The following PAPOLB variants were observed in gnomAD, a reference collection of about 807,000 sequenced individuals.
PAPOLB encodes the protein PAP-beta.
In PAPOLB, 19 loss-of-function variants were observed where a neutral mutation model predicts 23.2. That is an observed-to-expected ratio of 0.82 (90% confidence interval 0.57 to 1.20). The LOEUF (loss-of-function observed/expected upper bound fraction) is 1.20. PAPOLB is among the 50% of genes most tolerant of loss of function. The probability of loss-of-function intolerance (pLI) is 0.00; values close to 1 mark genes in which losing one functional copy is unlikely to be tolerated. For missense variants in PAPOLB, 822 were observed against 776.8 expected, an observed-to-expected ratio of 1.06 and a Z score of -0.69; for synonymous variants, 360 against 290.7, an observed-to-expected ratio of 1.24 and a Z score of -2.43.
rs575805724 is a variant in PAPOLB, at chr7:4,859,466, T to C, written c.*431A>G. On this transcript the variant is annotated 3_prime_UTR_variant, in exon 1 of 1. Transcript: ENST00000404991. ...AAATAGTTAATGTAACTGTTGCTGA[T>C]ACATTAATAACAGTACCTCTAGCTG... is the stretch of plus-strand genomic sequence containing the variant. 2 of 161,712 alleles carry C rather than the reference T, an allele frequency of 1.2e-5. No homozygotes were observed. The highest frequency in any genetic ancestry group is 3.7e-4 in the South Asian group (2 of 5,440). The allele number at this position is 161,712 out of a possible 1,614,324, so 10.0% of individuals were successfully genotyped here.
In PAPOLB at chr7:4,861,735, G is replaced by C. The variant is rs755185810; in HGVS notation, c.76C>G (p.Pro26Ala). 2 of 1,517,890 alleles carry C rather than the reference G, an allele frequency of 1.3e-6. No homozygotes were observed. Among genetic ancestry groups the C allele is most frequent in the Non-Finnish European group, 1.8e-6 (2 of 1,135,414 alleles). The allele number at this position is 1,517,890 out of a possible 1,614,324, so 94.0% of individuals were successfully genotyped here. A position where few individuals can be genotyped will look rare whatever the true frequency, so the allele number is the denominator to read the frequency against. Residue 26 changes from proline (P) to alanine (A), a missense_variant, in exon 1 of 1, where the codon CCT (proline) becomes GCT (alanine). By Grantham distance (27) the Pro-to-Ala change is conservative. This residue lies in a region of PAPOLB where 276 missense variants were observed against 243.9 expected (regional missense o/e 1.13). Coordinates refer to ENST00000404991, the MANE Select transcript of PAPOLB (RefSeq NM_020144.5). The part of the protein sequence containing the change: ...PPPNRYGVSS[P>A]ISLAVPKETD... ...TCCTTGGGGACCGCTAGACTGATAGGCGAGGAGACGCCGTAGCGATTCGGC... is the reference window on the plus strand; with the variant it reads ...TCCTTGGGGACCGCTAGACTGATAGCCGAGGAGACGCCGTAGCGATTCGGC...
rs149530992 is a variant in PAPOLB, at chr7:4,858,677, T to C, written c.*1220A>G. 1 of 152,750 alleles carries C rather than the reference T, an allele frequency of 6.5e-6. No homozygotes were observed. The highest frequency in any genetic ancestry group is 2.4e-5 in the African/African-American group (1 of 41,582). 9.5% of individuals were successfully genotyped at this position (152,750 alleles called of 1,614,324 possible). ...GAACAAAACTTCTCATATGCAGTGA[T>C]CAAATGGTCATCCAAGATCAGAAAC... On this transcript the variant is annotated 3_prime_UTR_variant, in exon 1 of 1. Transcript: ENST00000404991.
At position 4,861,088 on chromosome 7, in the gene PAPOLB, T is replaced by A. The variant is rs757448381; in HGVS notation, c.723A>T (p.Ile241=). 9.9e-6 allele frequency: 16 copies of A among 1,614,228 alleles called. No homozygotes were observed. The South Asian group carries it at 1.8e-4, about 18-fold the overall frequency. ...AGGAAACACCTCCGAGGAAACCTAATATATTGGAATAGATATTGTGGCACT... is the reference window on the plus strand; with the variant it reads ...AGGAAACACCTCCGAGGAAACCTAAAATATTGGAATAGATATTGTGGCACT... ...WAKCHNIYSN[I]LGFLGGVSWA... is the part of the protein sequence containing the mutation. Residue 241 remains isoleucine, a synonymous_variant, in exon 1 of 1, where the codon ATA becomes ATT. Coordinates refer to ENST00000404991, the MANE Select transcript of PAPOLB (RefSeq NM_020144.5).
At position 4,861,342 on chromosome 7, in the gene PAPOLB, C is replaced by A; in HGVS notation, c.469G>T (p.Val157Phe). Reference protein sequence around the residue: ...LRAVEEAFVPVIKLCFDGIEI... With the variant: ...LRAVEEAFVPFIKLCFDGIEI... Reference sequence around the variant, plus strand: ...ATCCCATCAAAACACAGTTTGATAACTGGCACAAATGCCTCCTCGACAGCC... The same window carrying A: ...ATCCCATCAAAACACAGTTTGATAAATGGCACAAATGCCTCCTCGACAGCC... The change falls in exon 1 of 1, where the codon GTT becomes TTT. Residue 157 changes from valine to phenylalanine, a missense_variant. Transcript: ENST00000404991. The A allele has an allele frequency of 3.1e-6, 5 of 1,613,950 alleles. No individual in the cohort carries two copies. The highest frequency in any genetic ancestry group is 4.2e-6 in the Non-Finnish European group (5 of 1,179,810).
Position 4,861,012 on chromosome 7 carries a change from A to C in PAPOLB, c.799T>G (p.Ser267Ala). 1 of 1,614,214 alleles carries C rather than the reference A, an allele frequency of 6.2e-7. No homozygotes were observed. Among genetic ancestry groups the C allele is most frequent in the South Asian group, 1.1e-5 (1 of 91,088 alleles). ...TCQLYPNAVASTLVRKFFLVF... is the reference protein window; with the variant it reads ...TCQLYPNAVAATLVRKFFLVF... ...AAGAAGAATTTCCGTACAAGAGTTG[A>C]CGCTACTGCATTTGGATAAAGCTGA... The change falls in exon 1 of 1, where the codon TCA (serine) becomes GCA (alanine). Residue 267 changes from serine (S) to alanine (A), a missense_variant. Transcript: ENST00000404991.
In PAPOLB at chr7:4,860,993, A is replaced by T. The variant is rs1783976118; in HGVS notation, c.818T>A (p.Phe273Tyr). ...NAVASTLVRK[F>Y]FLVFSEWEWP... Reference sequence around the variant, plus strand: ...TTCCCATTCTGAAAATACCAAGAAGAATTTCCGTACAAGAGTTGACGCTAC... The same window carrying T: ...TTCCCATTCTGAAAATACCAAGAAGTATTTCCGTACAAGAGTTGACGCTAC... The change falls in exon 1 of 1, where the codon TTC (phenylalanine) becomes TAC (tyrosine). Residue 273 changes from phenylalanine to tyrosine, a missense_variant. Physicochemically the swap from Phe to Tyr is conservative, Grantham distance 22. Transcript: ENST00000404991. 1.9e-6 allele frequency: 3 copies of T among 1,614,220 alleles called. No homozygotes were observed. The highest frequency in any genetic ancestry group is 2.2e-5 in the East Asian group (1 of 44,890).
rs1176296132 is a variant in PAPOLB, at chr7:4,859,169, C to G, written c.*728G>C. The G allele has an allele frequency of 6.6e-6, 1 of 152,398 alleles. No individual in the cohort carries two copies. The highest frequency in any genetic ancestry group is 1.5e-5 in the Non-Finnish European group (1 of 68,028). 9.4% of individuals were successfully genotyped at this position (152,398 alleles called of 1,614,324 possible). A position where few individuals can be genotyped will look rare whatever the true frequency, so the allele number is the denominator to read the frequency against. ...GTACTTTTATGCTTTCTCTGAAGTA[C>G]AGTACACCGCTGCACAATGGTATCC... On this transcript the variant is annotated 3_prime_UTR_variant, in exon 1 of 1. Coordinates refer to ENST00000404991, the MANE Select transcript of PAPOLB (RefSeq NM_020144.5).
At position 4,861,252 on chromosome 7, in the gene PAPOLB, CTCT is replaced by C. The variant is rs779592795; in HGVS notation, c.556_558del (p.Arg186del). On this transcript the variant is annotated inframe_deletion, in exon 1 of 1. Transcript: ENST00000404991. ...TCTAAATTTTTAAGTAGACTGTCAT[CTCT>C]TAAGTCCAAATCTTCTGGAATAGTC... 1.2e-6 allele frequency: 2 copies of C among 1,614,122 alleles called. No individual in the cohort carries two copies. The highest frequency in any genetic ancestry group is 1.7e-6 in the Non-Finnish European group (2 of 1,179,958).
In PAPOLB at chr7:4,860,870, A is replaced by T. The variant is rs1235265608; in HGVS notation, c.941T>A (p.Met314Lys). The part of the protein sequence containing the change: ...RVNPSDRYHL[M>K]PIITPAYPQQ... The stretch of plus-strand genomic sequence containing the variant: ...TGGGTATGCTGGTGTGATGATAGGC[A>T]TAAGATGGTACCTATCACTGGGATT... The change falls in exon 1 of 1, where the codon ATG becomes AAG. Residue 314 changes from methionine (M) to lysine (K), a missense_variant. Around this residue, in one of 3 missense-constraint regions of PAPOLB, gnomAD observed 534 missense variants for 502.8 expected, o/e 1.06. Coordinates refer to ENST00000404991, the MANE Select transcript of PAPOLB (RefSeq NM_020144.5). 2 of 1,614,198 alleles carry T rather than the reference A, an allele frequency of 1.2e-6. No homozygotes were observed. The highest frequency in any genetic ancestry group is 4.5e-5 in the East Asian group (2 of 44,886).
rs144061116 is a variant in PAPOLB at position 4,859,503 on chromosome 7, T to C, written c.*394A>G. The C allele has an allele frequency of 8.7e-5, 16 of 183,670 alleles. No individual in the cohort carries two copies. The highest frequency in any genetic ancestry group is 3.1e-4 in the African/African-American group (13 of 42,170). The allele number at this position is 183,670 out of a possible 1,614,324, so 11.4% of individuals were successfully genotyped here. ...AGTACCTCTAGCTGTCACATACTAA[T>C]GTGGACTTCTGATCAAGACTGGCTC... is the stretch of plus-strand genomic sequence containing the variant. On this transcript the variant is annotated 3_prime_UTR_variant, in exon 1 of 1. Coordinates refer to ENST00000404991, the MANE Select transcript of PAPOLB (RefSeq NM_020144.5).
rs1783892179 is a variant in PAPOLB, at chr7:4,858,568, G to A, written c.*1329C>T. 2 of 152,524 alleles carry A rather than the reference G, an allele frequency of 1.3e-5. No individual in the cohort carries two copies. The highest frequency in any genetic ancestry group is 1.3e-4 in the Admixed American group (2 of 15,270). The allele number at this position is 152,524 out of a possible 1,614,324, so 9.4% of individuals were successfully genotyped here. A position where few individuals can be genotyped will look rare whatever the true frequency, so the allele number is the denominator to read the frequency against. On this transcript the variant is annotated 3_prime_UTR_variant, in exon 1 of 1. Transcript: ENST00000404991. ...TGATAAATCGTTTAAAAATAAAAGT[G>A]TTTAAAATTCTTGAAGAAAATGCCT...
rs536555553 is a variant in PAPOLB at position 4,860,794 on chromosome 7, A to G, written c.1017T>C (p.Ile339=). ...TAGCAAGCCCCTGTTTAAACTCCTC[A>G]ATCATGACCATCCTGGTTGAAATAG... ...NVSISTRMVM[I]EEFKQGLAIT... Residue 339 remains isoleucine (I), a synonymous_variant, in exon 1 of 1, where the codon ATT becomes ATC. Coordinates refer to ENST00000404991, the MANE Select transcript of PAPOLB (RefSeq NM_020144.5). 1 of 1,614,146 alleles carries G rather than the reference A, an allele frequency of 6.2e-7. No individual in the cohort carries two copies. The highest frequency in any genetic ancestry group is 2.2e-5 in the East Asian group (1 of 44,874).
chr7:4,861,241 T>C lies in PAPOLB; in HGVS notation c.570A>G (p.Leu190=). The change falls in exon 1 of 1, where the codon CTA becomes CTG. Residue 190 remains leucine (L), a synonymous_variant. Transcript: ENST00000404991. Reference sequence around the variant, plus strand: ...TGCATCTAATGTCTAAATTTTTAAGTAGACTGTCATCTCTTAAGTCCAAAT... The same window carrying C: ...TGCATCTAATGTCTAAATTTTTAAGCAGACTGTCATCTCTTAAGTCCAAAT... ...PEDLDLRDDS[L]LKNLDIRCIR... 1 of 1,614,120 alleles carries C rather than the reference T, an allele frequency of 6.2e-7. No homozygotes were observed. The highest frequency in any genetic ancestry group is 8.5e-7 in the Non-Finnish European group (1 of 1,179,936).
rs1783976428 is a variant in PAPOLB, at chr7:4,861,001, T to C, written c.810A>G (p.Val270=). 4 of 1,614,240 alleles carry C rather than the reference T, an allele frequency of 2.5e-6. No individual in the cohort carries two copies. The highest frequency in any genetic ancestry group is 1.7e-6 in the Non-Finnish European group (2 of 1,180,038). Residue 270 remains valine (V), a synonymous_variant, in exon 1 of 1, where the codon GTA becomes GTG. Coordinates refer to ENST00000404991, the MANE Select transcript of PAPOLB (RefSeq NM_020144.5). The stretch of plus-strand genomic sequence containing the variant: ...CTGAAAATACCAAGAAGAATTTCCG[T>C]ACAAGAGTTGACGCTACTGCATTTG... ...LYPNAVASTL[V]RKFFLVFSEW... is the part of the protein sequence containing the mutation.
Position 4,861,838 on chromosome 7 carries a change from G to A in PAPOLB, c.-28C>T, listed in dbSNP as rs746427119. 87 of 1,399,956 alleles carry A rather than the reference G, an allele frequency of 6.2e-5. No homozygotes were observed. In the African/African-American group the frequency reaches 1.2e-3, roughly 19 times the overall value. 86.7% of individuals were successfully genotyped at this position (1,399,956 alleles called of 1,614,324 possible). A position where few individuals can be genotyped will look rare whatever the true frequency, so the allele number is the denominator to read the frequency against. On this transcript the variant is annotated 5_prime_UTR_variant, in exon 1 of 1. In the 5' UTR this introduces an upstream ATG that the reference lacks. Transcript: ENST00000404991. ...TTCAGCGCCCGCCCCGCCAGGGCAC[G>A]TCCCCCACCACCGCGACCTTCGCGG...
In PAPOLB at chr7:4,857,800, G is replaced by C. The variant is rs1052469443; in HGVS notation, c.*2097C>G. On this transcript the variant is annotated 3_prime_UTR_variant, in exon 1 of 1. Coordinates refer to ENST00000404991, the MANE Select transcript of PAPOLB (RefSeq NM_020144.5). Reference sequence around the variant, plus strand: ...AAATAAGTCATCTGTTTTCAAAACAGTGCTTGAATATACCAGGAGTACAGA... The same window carrying C: ...AAATAAGTCATCTGTTTTCAAAACACTGCTTGAATATACCAGGAGTACAGA... 4 of 152,470 alleles carry C rather than the reference G, an allele frequency of 2.6e-5. No homozygotes were observed. Among genetic ancestry groups the C allele is most frequent in the Non-Finnish European group, 5.9e-5 (4 of 68,008 alleles). 9.4% of individuals were successfully genotyped at this position (152,470 alleles called of 1,614,324 possible).
rs1355268945 is a variant in PAPOLB, at chr7:4,859,446, G to C, written c.*451C>G. 6.3e-6 allele frequency: 1 copy of C among 159,146 alleles called. No individual in the cohort carries two copies. Among genetic ancestry groups the C allele is most frequent in the Non-Finnish European group, 1.4e-5 (1 of 72,148 alleles). The allele number at this position is 159,146 out of a possible 1,614,324, so 9.9% of individuals were successfully genotyped here. On this transcript the variant is annotated 3_prime_UTR_variant, in exon 1 of 1. Transcript: ENST00000404991. ...TTAAGGGCAGTAGTCCTTTGAAATA[G>C]TTAATGTAACTGTTGCTGATACATT...
At position 4,861,826 on chromosome 7, in the gene PAPOLB, C is replaced by T; in HGVS notation, c.-16G>A. 1 of 1,420,786 alleles carries T rather than the reference C, an allele frequency of 7.0e-7. No homozygotes were observed. Among genetic ancestry groups the T allele is most frequent in the Non-Finnish European group, 9.2e-7 (1 of 1,088,106 alleles). 88.0% of individuals were successfully genotyped at this position (1,420,786 alleles called of 1,614,324 possible). A position where few individuals can be genotyped will look rare whatever the true frequency, so the allele number is the denominator to read the frequency against. On this transcript the variant is annotated 5_prime_UTR_variant, in exon 1 of 1. Coordinates refer to ENST00000404991, the MANE Select transcript of PAPOLB (RefSeq NM_020144.5). ...ACGGCATCATCTTTCAGCGCCCGCCCCGCCAGGGCACGTCCCCCACCACCG... is the reference window on the plus strand; with the variant it reads ...ACGGCATCATCTTTCAGCGCCCGCCTCGCCAGGGCACGTCCCCCACCACCG...
Position 4,860,186 on chromosome 7 carries a change from G to A in PAPOLB, c.1625C>T (p.Thr542Ile). ...GCTAATCAATGGGCCTGTCTTCATA[G>A]TGCTAGTAGATGAAGGCACAGACAT... ...NSMSVPSSTS[T>I]MKTGPLISSS... is the part of the protein sequence containing the mutation. Residue 542 changes from threonine (T) to isoleucine (I), a missense_variant, in exon 1 of 1, where the codon ACT (threonine) becomes ATT (isoleucine). Coordinates refer to ENST00000404991, the MANE Select transcript of PAPOLB (RefSeq NM_020144.5). 1 of 1,613,996 alleles carries A rather than the reference G, an allele frequency of 6.2e-7. No individual in the cohort carries two copies. Among genetic ancestry groups the A allele is most frequent in the Non-Finnish European group, 8.5e-7 (1 of 1,179,868 alleles).
Sources: gnomAD v4.1 joint callset for allele counts on GRCh38, gnomAD v4.1.1 for gene constraint, gnomAD v4.1.1 regional missense constraint, MANE v1.5 for transcripts, NCBI Gene and HGNC (gene_info 2026-07-23, HGNC 2026-07-21) for gene names.